The following NEDD4L variants were observed in gnomAD, a reference collection of about 807,000 sequenced individuals.
NEDD4L encodes the protein NEDD4 like E3 ubiquitin protein ligase.
In NEDD4L, 54 loss-of-function variants were observed where a neutral mutation model predicts 148.9. The ratio of observed to expected loss-of-function variants is 0.36; its 90% CI spans 0.29 to 0.45. The LOEUF is 0.45. Ranked by LOEUF, NEDD4L falls within the 20% of genes least tolerant of loss-of-function variation. The pLI is 1.00. For synonymous variants in NEDD4L, 433 were observed against 440.7 expected, an observed-to-expected ratio of 0.98 and a Z score of 0.22; for missense variants, 856 against 1,233.8, an observed-to-expected ratio of 0.69 and a Z score of 4.59.
intron 1 of NEDD4L, among the ~76,000 whole-genome samples, chr18:58,104,165 C>T (rs749167999): frequency 1.4e-4 from 21 of 152,172 alleles, no homozygotes; most frequent in Admixed American, 4.6e-4. Flanking sequence ...TGCTACAATG[C>T]GGATGAACCT....
intron 2 of NEDD4L, among the ~76,000 whole-genome samples, chr18:58,224,784 C>T (rs1027694477): frequency 2.0e-5 from 3 of 152,188 alleles, no homozygotes; most frequent in African/African-American, 7.2e-5. Flanking sequence ...CTCCTTCTCC[C>T]TTTCACTTGT....
rs183328829 is a variant in NEDD4L, at chr18:58,088,719, A to G, written c.48+44011A>G. ...ATTTAGAGAACTTTTTTTTTGCATC[A>G]TAAATCAGTATAAATAGAAGCTTGG... On this transcript the variant is annotated intron_variant, in intron 1 of 30. Coordinates refer to ENST00000400345, the MANE Select transcript of NEDD4L (RefSeq NM_001144967.3). Among the ~76,000 whole-genome samples the G allele has an allele frequency of 2.6e-5, 4 of 152,200 alleles. No individual in the cohort carries two copies. The East Asian group carries it at 7.7e-4, about 29-fold the overall frequency.
intron 1 of NEDD4L, among the ~76,000 whole-genome samples, chr18:58,073,136 G>T (rs2082974366): frequency 6.6e-6 from 1 of 151,944 alleles, no homozygotes; most frequent in Admixed American, 6.6e-5. Context: ...TCACGGATTA[G>T]AAGACTTACA....
At chr18:58,142,292 C>T (rs1473071130) in intron 1 of NEDD4L, among the ~76,000 whole-genome samples, 5 of 151,632 alleles carry the variant, frequency 3.3e-5, no homozygotes, top group Non-Finnish European at 5.9e-5. Flanking sequence ...TCGTGATCCA[C>T]CTGCCTCGAC....
intron 1 of NEDD4L, among the ~76,000 whole-genome samples, chr18:58,070,369 ATTGG>A (rs1404068153): frequency 6.6e-6 from 1 of 152,030 alleles, no homozygotes; most frequent in Non-Finnish European, 1.5e-5. Context: ...AATTTAAGTG[ATTGG>A]TCCTCCCACC....
At chr18:58,200,146 G>C (rs1289350468) in intron 2 of NEDD4L, among the ~76,000 whole-genome samples, 1 of 152,108 alleles carries the variant, frequency 6.6e-6, no homozygotes, top group East Asian at 1.9e-4. Flanking sequence ...CTCTGCTCAG[G>C]GTAGCCATGA....
At chr18:58,357,376 A>C in intron 19 of NEDD4L, 124 bp downstream of exon 19, 1 of 910,072 alleles carries the variant, frequency 1.1e-6, no homozygotes, top group South Asian at 1.3e-5. Context: ...GACTAGAAAC[A>C]GAGCACTTTG....
chr18:58,202,721 C>T (rs1394249645), intron 2 of NEDD4L, among the ~76,000 whole-genome samples: 1 of 152,204 alleles, frequency 6.6e-6, no homozygotes, highest in East Asian at 1.9e-4. Flanking sequence ...TCCATTCCTG[C>T]TGCATACATT....
At chr18:58,056,927 CTG>C (rs2082114507) in intron 1 of NEDD4L, among the ~76,000 whole-genome samples, 1 of 97,642 alleles carries the variant, frequency 1.0e-5, no homozygotes, top group Non-Finnish European at 2.2e-5. Flanking sequence ...TTGTTTATAA[CTG>C]TGTACTTGTA....
In NEDD4L at chr18:58,396,372, A is replaced by G; in HGVS notation, c.*103A>G. The G allele has an allele frequency of 1.3e-6, 1 of 757,002 alleles. No individual in the cohort carries two copies. Among genetic ancestry groups the G allele is most frequent in the South Asian group, 1.6e-5 (1 of 63,376 alleles). The allele number at this position is 757,002 out of a possible 1,614,324, so 46.9% of individuals were successfully genotyped here. A position where few individuals can be genotyped will look rare whatever the true frequency, so the allele number is the denominator to read the frequency against. On this transcript the variant is annotated 3_prime_UTR_variant, in exon 31 of 31. Coordinates refer to ENST00000400345, the MANE Select transcript of NEDD4L (RefSeq NM_001144967.3). ...AGAGGCGATGGCAGAGAGCAGCTGC[A>G]GGCATGGTCCCTGGAGCCGAGCCTT...
At chr18:58,203,938 A>G (rs548322513) in intron 2 of NEDD4L, among the ~76,000 whole-genome samples, 1 of 152,346 alleles carries the variant, frequency 6.6e-6, no homozygotes, top group South Asian at 2.1e-4. Context: ...ACCCAGTTCA[A>G]TCCAACTGCT....
intron 9 of NEDD4L, among the ~76,000 whole-genome samples, chr18:58,327,195 T>A (rs1210104843): frequency 6.6e-6 from 1 of 152,158 alleles, no homozygotes; most frequent in Non-Finnish European, 1.5e-5. Context: ...CCTCCCAGGT[T>A]CAAGCGATTC....
rs1261770956 is a variant in NEDD4L, at chr18:58,345,150, G to A, written c.1575+2047G>A. On this transcript the variant is annotated intron_variant, in intron 16 of 30. Coordinates refer to ENST00000400345, the MANE Select transcript of NEDD4L (RefSeq NM_001144967.3). ...TAAAATCATAATCTGTTAGAACAAC[G>A]TTTTGTTGCTGCTGCTAGTGTGGGA... 5.9e-5 allele frequency among the ~76,000 whole-genome samples: 9 copies of A among 152,204 alleles called. No individual in the cohort carries two copies. In the South Asian group the frequency reaches 8.3e-4, roughly 14 times the overall value.
At chr18:58,186,069 A>ATATGCACACGCACACAGAGAAGGATACG (rs1403674877) in intron 2 of NEDD4L, among the ~76,000 whole-genome samples, 5 of 147,646 alleles carry the variant, frequency 3.4e-5, no homozygotes, top group Admixed American at 6.6e-5. Flanking sequence ...AGAAGGATAC[A>ATATGCACACGCACACAGAGAAGGATACG]TATGCACACG....
At chr18:58,248,774 A>G (rs1028645737) in intron 3 of NEDD4L, 125 bp from the exon 4 acceptor site, 3 of 603,216 alleles carry the variant, frequency 5.0e-6, no homozygotes, top group African/African-American at 3.8e-5. Flanking sequence ...CAAATAATCG[A>G]CTAAATGCTT....
intron 2 of NEDD4L, among the ~76,000 whole-genome samples, chr18:58,196,858 A>G (rs2040768253): frequency 6.6e-6 from 1 of 152,102 alleles, no homozygotes; most frequent in Non-Finnish European, 1.5e-5. Context: ...CTGTATAAAC[A>G]ATGAGAAAGT....
intron 2 of NEDD4L, among the ~76,000 whole-genome samples, chr18:58,208,988 A>G (rs2042239703): frequency 6.6e-6 from 1 of 152,090 alleles, no homozygotes; most frequent in East Asian, 1.9e-4. Context: ...TGCAGGATTC[A>G]TTCCAGTGGG....
intron 1 of NEDD4L, among the ~76,000 whole-genome samples, chr18:58,140,931 T>A (rs1272807104): frequency 6.6e-6 from 1 of 152,220 alleles, no homozygotes; most frequent in African/African-American, 2.4e-5. Flanking sequence ...ACGTTGTCAA[T>A]AATATGGTTC....
At chr18:58,106,022 G>A (rs934778616) in intron 1 of NEDD4L, among the ~76,000 whole-genome samples, 2 of 152,236 alleles carry the variant, frequency 1.3e-5, no homozygotes, top group Non-Finnish European at 2.9e-5. Context: ...TAGCAGCTCC[G>A]GAATGGCCAT....
Sources: allele counts gnomAD v4.1 joint callset (sites outside exome capture counted in the v4.1 genomes callset), GRCh38; gene constraint gnomAD v4.1.1; transcripts MANE v1.5; gene names NCBI Gene and HGNC (gene_info 2026-07-23, HGNC 2026-07-21).